SRCIN1: variants seen among roughly 807,000 people sequenced by gnomAD.
The protein encoded by SRCIN1 is P130Cas-associated protein.
In SRCIN1, 50 loss-of-function variants were observed where a neutral mutation model predicts 116.2. The ratio of observed to expected loss-of-function variants is 0.43; its 90% CI spans 0.34 to 0.54. SRCIN1 has a LOEUF of 0.54. Ranked by LOEUF, SRCIN1 falls within the 20% of genes least tolerant of loss-of-function variation. The probability of loss-of-function intolerance (pLI) is 0.02; values close to 1 mark genes in which losing one functional copy is unlikely to be tolerated. For synonymous variants in SRCIN1, 736 were observed against 750.0 expected, an observed-to-expected ratio of 0.98 and a Z score of 0.30; for missense variants, 1,446 against 1,672.0, an observed-to-expected ratio of 0.86 and a Z score of 2.36.
chr17:38,536,290 A>C (rs980215124), intron 18 of SRCIN1, among the ~76,000 whole-genome samples: 2 of 152,100 alleles, frequency 1.3e-5, no homozygotes, highest in Non-Finnish European at 2.9e-5. Context: ...TGTGCTGCTA[A>C]CCCTTCTCAG....
At chr17:38,561,126 A>T (rs1223324268) in intron 7 of SRCIN1, among the ~76,000 whole-genome samples, 2 of 152,178 alleles carry the variant, frequency 1.3e-5, no homozygotes, top group African/African-American at 4.8e-5. Context: ...CTTAAGCTGG[A>T]AAGCCACTAA....
rs773278148 is a variant in SRCIN1 at position 38,559,685 on chromosome 17, G to C, written c.1925C>G (p.Pro642Arg). Reference protein sequence around the residue: ...PSASSTPAGQPTAVSRLQMQL... With the variant: ...PSASSTPAGQRTAVSRLQMQL... Reference sequence around the variant, plus strand: ...CATCTGCAGCCGGCTAACGGCGGTAGGCTGACCTGCGGGGGTGCTGCTGGC... The same window carrying C: ...CATCTGCAGCCGGCTAACGGCGGTACGCTGACCTGCGGGGGTGCTGCTGGC... The change falls in exon 10 of 19, where the codon CCT (proline) becomes CGT (arginine). Residue 642 changes from proline (P) to arginine (R), a missense_variant. This residue lies in a region of SRCIN1 where 398 missense variants were observed against 385.6 expected (regional missense o/e 1.03). Transcript: ENST00000617146. The C allele has an allele frequency of 6.3e-7, 1 of 1,598,030 alleles. No individual in the cohort carries two copies. Among genetic ancestry groups the C allele is most frequent in the Admixed American group, 1.7e-5 (1 of 59,572 alleles).
rs1215409973 is a variant in SRCIN1, at chr17:38,595,426, C to T, written c.22+10258G>A. Reference sequence around the variant, plus strand: ...AGAGACAGGGTTTCACCACGTTTGCCAGGCTGGTCTCGAACTCCTGACCTC... The same window carrying T: ...AGAGACAGGGTTTCACCACGTTTGCTAGGCTGGTCTCGAACTCCTGACCTC... On this transcript the variant is annotated intron_variant, in intron 1 of 18. Transcript: ENST00000617146. Among the ~76,000 whole-genome samples, 5 of 152,226 alleles carry T rather than the reference C, an allele frequency of 3.3e-5. No homozygotes were observed. In the East Asian group the frequency reaches 9.6e-4, roughly 29 times the overall value.
chr17:38,573,081 C>T (rs926210728), intron 2 of SRCIN1, among the ~76,000 whole-genome samples: 1 of 152,098 alleles, frequency 6.6e-6, no homozygotes, highest in Non-Finnish European at 1.5e-5. Flanking sequence ...TGGTGGAAGC[C>T]GGGGGAGGGG....
Position 38,585,101 on chromosome 17 carries a change from G to T in SRCIN1, c.23-6310C>A, listed in dbSNP as rs559255455. 6.6e-6 allele frequency among the ~76,000 whole-genome samples: 1 copy of T among 152,334 alleles called. No homozygotes were observed. Among genetic ancestry groups the T allele is most frequent in the African/African-American group, 2.4e-5 (1 of 41,576 alleles). On this transcript the variant is annotated intron_variant, in intron 1 of 18. Transcript: ENST00000617146. The surrounding 1 kb of genome is among the most constrained non-coding windows in gnomAD (Gnocchi z 4.2). ...TGCCCCGACCCACTGCCTGGGCAGG[G>T]GTAGGAGCTGGGTTATAGCCCTGGC...
At position 38,561,904 on chromosome 17, in the gene SRCIN1, T is replaced by A. The variant is rs764208725; in HGVS notation, c.1259A>T (p.Tyr420Phe). 1 of 1,441,664 alleles carries A rather than the reference T, an allele frequency of 6.9e-7. No homozygotes were observed. Among genetic ancestry groups the A allele is most frequent in the South Asian group, 1.4e-5 (1 of 71,720 alleles). The allele number at this position is 1,441,664 out of a possible 1,614,324, so 89.3% of individuals were successfully genotyped here. The change falls in exon 7 of 19, where the codon TAC becomes TTC. Residue 420 changes from tyrosine (Y) to phenylalanine (F), a missense_variant. Physicochemically the swap from Tyr to Phe is conservative, Grantham distance 22 (BLOSUM62 3). Transcript: ENST00000617146. ...CTTGTAGAGGCCGCCGGCGCCCGGG[T>A]AGGCGAACGGGTCGCCGGCGGCCGC... ...LAAAAGDPFA[Y>F]PGAGGLYKRG...
chr17:38,535,209 CTTT>C (rs71138630), intron 18 of SRCIN1, among the ~76,000 whole-genome samples: 2 of 128,898 alleles, frequency 1.6e-5, no homozygotes, highest in Admixed American at 7.8e-5. Flanking sequence ...CTTTTTCTTT[CTTT>C]TTTTTTTTTT....
chr17:38,578,106 T>G (rs564674827), intron 2 of SRCIN1, among the ~76,000 whole-genome samples: 31 of 152,220 alleles, frequency 2.0e-4, no homozygotes, highest in African/African-American at 7.2e-4. Context: ...GCATCTCAAC[T>G]TCACCACAGG....
intron 1 of SRCIN1, among the ~76,000 whole-genome samples, chr17:38,589,305 G>A (rs1240192228): frequency 6.6e-6 from 1 of 152,238 alleles, no homozygotes; most frequent in Non-Finnish European, 1.5e-5. Context: ...GCCCCACTCT[G>A]CCACCTTAGA....
chr17:38,560,271 A>G, intron 8 of SRCIN1, 62 bp downstream of exon 8: 2 of 1,526,358 alleles, frequency 1.3e-6, no homozygotes, highest in African/African-American at 1.4e-5. Context: ...GCCGATGCCC[A>G]TTTCCCCTTC....
chr17:38,600,751 C>T (rs1908977846), intron 1 of SRCIN1, among the ~76,000 whole-genome samples: 1 of 152,252 alleles, frequency 6.6e-6, no homozygotes, highest in African/African-American at 2.4e-5. Flanking sequence ...TAGCCACAGG[C>T]AACTTTGGTG....
chr17:38,604,379 C>T lies in SRCIN1; in HGVS notation c.22+1305G>A, dbSNP rs921135746. The T allele has an allele frequency of 6.2e-6, 2 of 320,406 alleles. No individual in the cohort carries two copies. The highest frequency in any genetic ancestry group is 1.2e-5 in the Non-Finnish European group (2 of 161,502). The allele number at this position is 320,406 out of a possible 1,614,324, so 19.8% of individuals were successfully genotyped here. On this transcript the variant is annotated intron_variant, in intron 1 of 18. Coordinates refer to ENST00000617146, the MANE Select transcript of SRCIN1 (RefSeq NM_025248.3). This position sits in a 1 kb window ranked among gnomAD's most constrained non-coding sequence, Gnocchi z 4.3. ...ACCCCCAGCTCGGGGAGCCCACTTT[C>T]CTTAAAGTTGGGGTGCTGCAGGACC...
At chr17:38,593,455 G>C (rs944552089) in intron 1 of SRCIN1, among the ~76,000 whole-genome samples, 1 of 152,114 alleles carries the variant, frequency 6.6e-6, no homozygotes, top group East Asian at 1.9e-4. Context: ...TCAGGTGAAG[G>C]CGGAGGGGAA....
At chr17:38,533,498 G>T in intron 18 of SRCIN1, 67 bp from the exon 19 acceptor site, 1 of 1,435,178 alleles carries the variant, frequency 7.0e-7, no homozygotes, top group Non-Finnish European at 9.4e-7. Flanking sequence ...GCCCCCAGCT[G>T]AAGTTTTAAA....
rs1360818655 is a variant in SRCIN1, at chr17:38,554,692, A to G, written c.2202-1837T>C. 2.6e-5 allele frequency among the ~76,000 whole-genome samples: 4 copies of G among 152,340 alleles called. No homozygotes were observed. In the East Asian group the frequency reaches 7.7e-4, roughly 29 times the overall value. Reference sequence around the variant, plus strand: ...TAGCACCTGGCATGGTGCCTGGTGCAGAGTAGATGTCTGGGAAATAATTGT... The same window carrying G: ...TAGCACCTGGCATGGTGCCTGGTGCGGAGTAGATGTCTGGGAAATAATTGT... On this transcript the variant is annotated intron_variant, in intron 11 of 18. Coordinates refer to ENST00000617146, the MANE Select transcript of SRCIN1 (RefSeq NM_025248.3).
Position 38,558,256 on chromosome 17 carries a change from G to A in SRCIN1, c.2172C>T (p.Asn724=), listed in dbSNP as rs933066293. 4 of 1,612,950 alleles carry A rather than the reference G, an allele frequency of 2.5e-6. No individual in the cohort carries two copies. The East Asian group carries it at 6.7e-5, about 27-fold the overall frequency. ...GCTGCTGGGTAATAAGCTCCTCGTCGTTGAGATAGCGCAGCCGTTCCTCTT... is the reference window on the plus strand; with the variant it reads ...GCTGCTGGGTAATAAGCTCCTCGTCATTGAGATAGCGCAGCCGTTCCTCTT... ...LVEEERLRYL[N]DEELITQQLN... The change falls in exon 11 of 19, where the codon AAC becomes AAT. Residue 724 remains asparagine, a synonymous_variant. Transcript: ENST00000617146. This position sits in a 1 kb window ranked among gnomAD's most constrained non-coding sequence, Gnocchi z 4.6.
intron 18 of SRCIN1, chr17:38,541,276 T>C (rs1904724781): frequency 6.6e-6 from 1 of 151,272 alleles, no homozygotes; most frequent in African/African-American, 2.4e-5. Flanking sequence ...TAAAATAAAA[T>C]AAAATTTCCA....
rs954368566 is a variant in SRCIN1, at chr17:38,558,556, G to C, written c.2026-154C>G. Among the ~76,000 whole-genome samples the C allele has an allele frequency of 2.6e-5, 4 of 152,202 alleles. No individual in the cohort carries two copies. The highest frequency in any genetic ancestry group is 5.9e-5 in the Non-Finnish European group (4 of 68,038). On this transcript the variant is annotated intron_variant, in intron 10 of 18. Coordinates refer to ENST00000617146, the MANE Select transcript of SRCIN1 (RefSeq NM_025248.3). The surrounding 1 kb of genome is among the most constrained non-coding windows in gnomAD (Gnocchi z 4.6). ...GGCTCCGCCTCAGGCAGCAGCGAAG[G>C]GGTGGGATGGCGAAGGGCAGGGGCG... is the stretch of plus-strand genomic sequence containing the variant.
At chr17:38,573,800 A>G (rs1597916505) in intron 2 of SRCIN1, among the ~76,000 whole-genome samples, 2 of 152,354 alleles carry the variant, frequency 1.3e-5, no homozygotes, top group East Asian at 3.9e-4. Flanking sequence ...CATTCAGGAC[A>G]AGTCTGTCCC....
Sources: allele counts gnomAD v4.1 joint callset (sites outside exome capture counted in the v4.1 genomes callset), GRCh38; gene constraint gnomAD v4.1.1; regional missense constraint gnomAD v4.1.1; non-coding constraint Gnocchi (gnomAD v3.1); transcripts MANE v1.5; gene names NCBI Gene and HGNC (gene_info 2026-07-23, HGNC 2026-07-21).